CFAP54: variants seen among roughly 807,000 people sequenced by gnomAD.
The protein encoded by CFAP54 is cilia- and flagella-associated protein 54.
In CFAP54, 290 loss-of-function variants were observed where a neutral mutation model predicts 370.4. The ratio of observed to expected loss-of-function variants is 0.78; its 90% CI spans 0.71 to 0.86. The LOEUF is 0.86. CFAP54 is among the 40% of genes least tolerant of loss of function. The probability of loss-of-function intolerance (pLI) is 0.00; values close to 1 mark genes in which losing one functional copy is unlikely to be tolerated. For synonymous variants in CFAP54, 1,206 were observed against 1,236.5 expected (o/e 0.98, Z 0.52); for missense variants, 3,399 against 3,528.7 (o/e 0.96, Z 0.93).
intron 39 of CFAP54, among the ~76,000 whole-genome samples, chr12:96,674,504 G>T (rs746246762): frequency 1.3e-5 from 2 of 151,568 alleles, no homozygotes; most frequent in Non-Finnish European, 2.9e-5. Context: ...AGCTAATGCC[G>T]CCTCCTCATT....
chr12:96,678,061 A>G (rs1022639974), intron 39 of CFAP54, among the ~76,000 whole-genome samples: 1 of 152,020 alleles, frequency 6.6e-6, no homozygotes, highest in Non-Finnish European at 1.5e-5. Context: ...TCATCTGGGG[A>G]AGGCACTGGA....
chr12:96,688,566 T>C (rs887284559), intron 42 of CFAP54, among the ~76,000 whole-genome samples: 1 of 152,220 alleles, frequency 6.6e-6, no homozygotes, highest in Non-Finnish European at 1.5e-5. Flanking sequence ...TTTAGAATAA[T>C]GATATAGTTC....
At chr12:96,617,403 T>C (rs1399184365) in intron 26 of CFAP54, among the ~76,000 whole-genome samples, 1 of 152,100 alleles carries the variant, frequency 6.6e-6, no homozygotes, top group Non-Finnish European at 1.5e-5. Flanking sequence ...ATCTAACAAT[T>C]TCAAGGGTGC....
intron 67 of CFAP54, among the ~76,000 whole-genome samples, chr12:96,874,392 C>T (rs551971243): frequency 6.6e-6 from 1 of 152,234 alleles, no homozygotes; most frequent in East Asian, 1.9e-4. Context: ...CTGCATTCTG[C>T]AGAATAGAAT....
chr12:96,689,445 G>A (rs1254895487), intron 43 of CFAP54, among the ~76,000 whole-genome samples: 14 of 152,172 alleles, frequency 9.2e-5, no homozygotes, highest in Admixed American at 9.2e-4. Context: ...ATAGGCGTGA[G>A]CTACCATGCC....
chr12:96,781,220 C>T (rs536772445), intron 60 of CFAP54, among the ~76,000 whole-genome samples: 5 of 152,076 alleles, frequency 3.3e-5, no homozygotes, highest in East Asian at 1.9e-4. Flanking sequence ...ACTAGGAATA[C>T]GGTAAAAAGT....
chr12:96,591,406 T>C (rs1360605001), intron 23 of CFAP54, among the ~76,000 whole-genome samples: 2 of 151,520 alleles, frequency 1.3e-5, no homozygotes, highest in Non-Finnish European at 2.9e-5. Context: ...AGTTTGGTGG[T>C]AAAGAGGAGG....
chr12:96,546,632 C>A (rs921851685), intron 14 of CFAP54, among the ~76,000 whole-genome samples: 2 of 152,206 alleles, frequency 1.3e-5, no homozygotes, highest in Middle Eastern at 3.4e-3. Flanking sequence ...AGTTCAAGAC[C>A]AGTATGGCCA....
intron 45 of CFAP54, among the ~76,000 whole-genome samples, chr12:96,696,313 G>A (rs1424493820): frequency 6.6e-6 from 1 of 152,142 alleles, no homozygotes; most frequent in Non-Finnish European, 1.5e-5. Flanking sequence ...TAATTTGGAG[G>A]TGGAGCCATG....
At chr12:96,589,310 T>G in intron 22 of CFAP54, 117 bp from the exon 23 acceptor site, 1 of 808,142 alleles carries the variant, frequency 1.2e-6, no homozygotes. Context: ...GTATCTGAAA[T>G]GAGCGTGTGA....
chr12:96,618,890 G>GTGTT (rs1003700175), intron 26 of CFAP54, among the ~76,000 whole-genome samples: 1 of 152,040 alleles, frequency 6.6e-6, no homozygotes, highest in South Asian at 2.1e-4. Flanking sequence ...CCCTGAATGT[G>GTGTT]TGTTTGTTTG....
At chr12:96,829,309 A>AT (rs1392842781) in intron 66 of CFAP54, among the ~76,000 whole-genome samples, 2 of 152,150 alleles carry the variant, frequency 1.3e-5, no homozygotes, top group African/African-American at 4.8e-5. Flanking sequence ...AAAGAGGGTA[A>AT]TTTTTAAAGT....
At chr12:96,536,690 G>T (rs1179215214) in intron 12 of CFAP54, among the ~76,000 whole-genome samples, 1 of 148,422 alleles carries the variant, frequency 6.7e-6, no homozygotes, top group Non-Finnish European at 1.5e-5. Flanking sequence ...GCAGTGGTGC[G>T]ATCTCAGCTC....
Position 96,861,968 on chromosome 12 carries a change from G to T in CFAP54, c.*14+1016G>T, listed in dbSNP as rs542613454. On this transcript the variant is annotated intron_variant, in intron 67 of 67. Transcript: ENST00000524981. ...AAATGTGTTTTTCTAAAGCTAAATTGGTTTAATGTATCATCCTCTATTCTG... is the reference window on the plus strand; with the variant it reads ...AAATGTGTTTTTCTAAAGCTAAATTTGTTTAATGTATCATCCTCTATTCTG... Among the ~76,000 whole-genome samples, 5 of 152,050 alleles carry T rather than the reference G, an allele frequency of 3.3e-5. No homozygotes were observed. In the East Asian group the frequency reaches 7.7e-4, roughly 24 times the overall value.
At chr12:96,564,035 T>A (rs1955840242) in intron 17 of CFAP54, among the ~76,000 whole-genome samples, 1 of 152,160 alleles carries the variant, frequency 6.6e-6, no homozygotes, top group Non-Finnish European at 1.5e-5. Context: ...GTGGAGGTCT[T>A]CGTGTGTTAC....
chr12:96,720,360 T>G, intron 49 of CFAP54, 45 bp from the exon 50 acceptor site: 3 of 1,316,246 alleles, frequency 2.3e-6, no homozygotes, highest in Non-Finnish European at 3.0e-6. Flanking sequence ...AGACAGTATT[T>G]GTATTATTTC....
chr12:96,870,036 G>C (rs1343622123), intron 67 of CFAP54, among the ~76,000 whole-genome samples: 1 of 151,792 alleles, frequency 6.6e-6, no homozygotes, highest in Non-Finnish European at 1.5e-5. Context: ...TGCCGAGGTG[G>C]GCGGATCACA....
intron 19 of CFAP54, among the ~76,000 whole-genome samples, chr12:96,567,551 C>T (rs1469607678): frequency 6.6e-6 from 1 of 152,154 alleles, no homozygotes; most frequent in African/African-American, 2.4e-5. Context: ...TCCATTTTCT[C>T]AGCTGATGCT....
At chr12:96,789,840 A>T (rs921976642) in intron 62 of CFAP54, among the ~76,000 whole-genome samples, 1 of 152,120 alleles carries the variant, frequency 6.6e-6, no homozygotes, top group Non-Finnish European at 1.5e-5. Flanking sequence ...CCACCTCATC[A>T]TGTGTTCGTT....
Sources: gnomAD v4.1 joint callset for allele counts (sites outside exome capture counted in the v4.1 genomes callset) on GRCh38, gnomAD v4.1.1 for gene constraint, MANE v1.5 for transcripts, NCBI Gene and HGNC (gene_info 2026-07-23, HGNC 2026-07-21) for gene names.